CLEC4A: variants seen among roughly 807,000 people sequenced by gnomAD.
CLEC4A encodes C-type (calcium dependent, carbohydrate-recognition domain) lectin, superfamily member 6.
In CLEC4A, 27 loss-of-function variants were observed where a neutral mutation model predicts 32.7. The observed-to-expected ratio is 0.83, with a 90% CI of 0.61 to 1.14. The LOEUF (loss-of-function observed/expected upper bound fraction) is 1.14, where lower values mean the gene tolerates loss of function less well. CLEC4A is among the 50% of genes most tolerant of loss of function. The pLI is 0.00. For missense variants in CLEC4A, 253 were observed against 274.6 expected (o/e 0.92, Z 0.55); for synonymous variants, 89 against 93.7 (o/e 0.95, Z 0.29).
rs147256682 is a variant in CLEC4A at position 8,129,620 on chromosome 12, G to A, written c.298+258G>A. On this transcript the variant is annotated intron_variant, in intron 3 of 5. Transcript: ENST00000229332. ...ATCCTAGCCAAAATGGTGAAACCCC[G>A]TCTCCACTAAAAGCACAAAAATTAG... Among the ~76,000 whole-genome samples the A allele has an allele frequency of 2.5e-3, 381 of 152,002 alleles. 4 individuals carry two copies. The East Asian group carries it at 0.039, about 16-fold the overall frequency.
chr12:8,129,217 G>C (rs374742030), intron 2 of CLEC4A, 47 bp from the exon 3 acceptor site: 10 of 1,226,852 alleles, frequency 8.2e-6, no homozygotes, highest in Non-Finnish European at 1.1e-5. Flanking sequence ...AAAGAGCAAA[G>C]TCATAATGCT....
At chr12:8,125,821 T>G (rs753640980) in intron 2 of CLEC4A, 144 bp downstream of exon 2, 26 of 624,662 alleles carry the variant, frequency 4.2e-5, no homozygotes, top group Non-Finnish European at 6.8e-5. Context: ...GGGAATCCAC[T>G]GTGAATTTTG....
At position 8,138,120 on chromosome 12, in the gene CLEC4A, A is replaced by G. The variant is rs1371339822; in HGVS notation, c.567-20A>G. On this transcript the variant is annotated intron_variant, in intron 5 of 5. Transcript: ENST00000229332. ...AAGCTCTGTTTGAAGAAATGCCCTCATCCTTTTTGTCGCTTTCAGATTCTG... is the reference window on the plus strand; with the variant it reads ...AAGCTCTGTTTGAAGAAATGCCCTCGTCCTTTTTGTCGCTTTCAGATTCTG... 11 of 1,611,542 alleles carry G rather than the reference A, an allele frequency of 6.8e-6. No homozygotes were observed. The highest frequency in any genetic ancestry group is 8.5e-6 in the Non-Finnish European group (10 of 1,178,630).
the CLEC4A span, among the ~76,000 whole-genome samples, chr12:8,107,428 AAC>A: frequency 2.0e-5 from 3 of 152,126 alleles, no homozygotes; most frequent in Non-Finnish European, 4.4e-5. Context: ...AAATTTTTGG[AAC>A]AGTTTCAGTA....
upstream of CLEC4A, among the ~76,000 whole-genome samples, chr12:8,119,079 C>G (rs933979091): frequency 1.3e-5 from 2 of 152,160 alleles, no homozygotes; most frequent in African/African-American, 4.8e-5. Context: ...TTGTTGTTAA[C>G]AACACTAATG....
At chr12:8,129,002 A>G (rs1391592911) in intron 2 of CLEC4A, among the ~76,000 whole-genome samples, 2 of 151,810 alleles carry the variant, frequency 1.3e-5, no homozygotes, top group Admixed American at 1.3e-4. Flanking sequence ...TAGCCTTTGC[A>G]TGCATCTTAT....
At chr12:8,114,801 C>A in the CLEC4A span, among the ~76,000 whole-genome samples, 3 of 152,188 alleles carry the variant, frequency 2.0e-5, no homozygotes, top group Non-Finnish European at 4.4e-5. Flanking sequence ...GCCATTACTG[C>A]ATCTAATGAT....
intron 5 of CLEC4A, 35 bp downstream of exon 5, chr12:8,136,938 C>A (rs1948131994): frequency 1.4e-6 from 2 of 1,418,300 alleles, no homozygotes; most frequent in Admixed American, 1.7e-5. Context: ...ATCTTGGGTC[C>A]TGGATCATGC....
intron 3 of CLEC4A, chr12:8,134,510 G>T: frequency 1.2e-6 from 2 of 1,613,858 alleles, no homozygotes; most frequent in Non-Finnish European, 1.7e-6. Flanking sequence ...GGACGGTGCA[G>T]GGCTCCGGGG....
chr12:8,124,750 A>G (rs926593696), intron 1 of CLEC4A, among the ~76,000 whole-genome samples: 1 of 152,226 alleles, frequency 6.6e-6, no homozygotes, highest in Non-Finnish European at 1.5e-5. Flanking sequence ...AAAACTTTAT[A>G]TAATTTCTTT....
At chr12:8,137,303 G>A (rs758589183) in intron 5 of CLEC4A, among the ~76,000 whole-genome samples, 1 of 151,990 alleles carries the variant, frequency 6.6e-6, no homozygotes, top group African/African-American at 2.4e-5. Context: ...TTTTGAGACA[G>A]GGTCTTACTC....
At position 8,131,838 on chromosome 12, in the gene CLEC4A, A is replaced by C. The variant is rs182882636; in HGVS notation, c.298+2476A>C. 3.9e-3 allele frequency among the ~76,000 whole-genome samples: 589 copies of C among 150,676 alleles called. 3 individuals are homozygous for C. Among genetic ancestry groups the C allele is most frequent in the African/African-American group, 0.014 (567 of 41,108 alleles). ...GATATATATATCTATATATATATAT[A>C]TCTCTTCAACTTTTAAGTTCTGGGG... is the stretch of plus-strand genomic sequence containing the variant. On this transcript the variant is annotated intron_variant, in intron 3 of 5. Transcript: ENST00000229332.
chr12:8,104,636 T>G, the CLEC4A span, among the ~76,000 whole-genome samples: 1 of 152,172 alleles, frequency 6.6e-6, no homozygotes, highest in Non-Finnish European at 1.5e-5. Flanking sequence ...ATAGGTAAAT[T>G]GCATGTCATG....
the CLEC4A span, among the ~76,000 whole-genome samples, chr12:8,115,540 C>T: frequency 6.6e-6 from 1 of 152,150 alleles, no homozygotes; most frequent in Admixed American, 6.5e-5. Context: ...CTTGTAGCAT[C>T]TGTAGGATAT....
At chr12:8,130,898 T>C (rs1591609133) in intron 3 of CLEC4A, among the ~76,000 whole-genome samples, 2 of 152,192 alleles carry the variant, frequency 1.3e-5, no homozygotes, top group Admixed American at 1.3e-4. Context: ...TCATTTTCTT[T>C]TCTGTAATAG....
In CLEC4A at chr12:8,134,561, G is replaced by A. The variant is rs751008689; in HGVS notation, c.299-1024G>A. On this transcript the variant is annotated intron_variant, in intron 3 of 5. Transcript: ENST00000229332. Reference sequence around the variant, plus strand: ...TGCTCTCCACCCCGACTCCTGCTTCGCCCTCAGGCTGAGAGGTCTCCAAGC... The same window carrying A: ...TGCTCTCCACCCCGACTCCTGCTTCACCCTCAGGCTGAGAGGTCTCCAAGC... The A allele has an allele frequency of 3.7e-6, 6 of 1,613,434 alleles. No homozygotes were observed. In the Admixed American group the frequency reaches 5.0e-5, roughly 13 times the overall value.
chr12:8,106,284 A>G, the CLEC4A span, among the ~76,000 whole-genome samples: 1 of 152,108 alleles, frequency 6.6e-6, no homozygotes, highest in African/African-American at 2.4e-5. Context: ...TGTTTTGGTT[A>G]TTGTAGCCTT....
At chr12:8,115,295 C>T in the CLEC4A span, among the ~76,000 whole-genome samples, 1 of 152,108 alleles carries the variant, frequency 6.6e-6, no homozygotes, top group East Asian at 1.9e-4. Context: ...TTTAAGTGCC[C>T]CAGACATCAA....
the CLEC4A span, among the ~76,000 whole-genome samples, chr12:8,116,508 T>C: frequency 2.1e-3 from 320 of 152,330 alleles, 1 homozygote; most frequent in Non-Finnish European, 3.7e-3. Context: ...TGTATGATCA[T>C]CTACTCCCAT....
Sources: allele counts gnomAD v4.1 joint callset (sites outside exome capture counted in the v4.1 genomes callset), GRCh38; gene constraint gnomAD v4.1.1; transcripts MANE v1.5; gene names NCBI Gene and HGNC (gene_info 2026-07-23, HGNC 2026-07-21).